STXBP4: variants seen among roughly 807,000 people sequenced by gnomAD.
The protein encoded by STXBP4 is syntaxin-binding protein 4.
In STXBP4, 55 loss-of-function variants were observed where a neutral mutation model predicts 76.1. The ratio of observed to expected loss-of-function variants is 0.72; its 90% CI spans 0.58 to 0.91. STXBP4 has a LOEUF of 0.91. Ranked by LOEUF, STXBP4 falls within the 40% of genes least tolerant of loss-of-function variation. The pLI, the probability that STXBP4 is intolerant of heterozygous loss-of-function variation, is 0.00. For missense variants in STXBP4, 618 were observed against 636.9 expected (o/e 0.97, Z 0.32); for synonymous variants, 201 against 220.2 (o/e 0.91, Z 0.77).
intron 12 of STXBP4, among the ~76,000 whole-genome samples, chr17:55,055,514 A>T (rs575773191): frequency 6.6e-6 from 1 of 152,114 alleles, no homozygotes; most frequent in South Asian, 2.1e-4. Context: ...ACCCTGCCTC[A>T]CTCCCATACT....
chr17:55,187,568 G>A, the STXBP4 span, among the ~76,000 whole-genome samples: 1 of 152,094 alleles, frequency 6.6e-6, no homozygotes, highest in Non-Finnish European at 1.5e-5. Context: ...CCTGGAGCTG[G>A]CCCAGTGTTC....
rs1598320651 is a variant in STXBP4, at chr17:55,108,695, G to A, written c.1489+27512G>A. 2.0e-5 allele frequency among the ~76,000 whole-genome samples: 3 copies of A among 152,150 alleles called. No individual in the cohort carries two copies. In the East Asian group the frequency reaches 5.8e-4, roughly 29 times the overall value. On this transcript the variant is annotated intron_variant, in intron 16 of 17. Coordinates refer to ENST00000376352, the MANE Select transcript of STXBP4 (RefSeq NM_178509.6). Reference sequence around the variant, plus strand: ...TGACCCCTTGCACTTCCTGGGTAAGGCGACCACCCACCCTGCTTCTGCTCA... The same window carrying A: ...TGACCCCTTGCACTTCCTGGGTAAGACGACCACCCACCCTGCTTCTGCTCA...
At chr17:55,033,543 G>A (rs1036398171) in intron 9 of STXBP4, among the ~76,000 whole-genome samples, 2 of 152,088 alleles carry the variant, frequency 1.3e-5, no homozygotes, top group African/African-American at 4.8e-5. Flanking sequence ...TAAAAATACA[G>A]TAGCCAAAGT....
At chr17:55,020,353 C>G (rs1391906325) in intron 8 of STXBP4, among the ~76,000 whole-genome samples, 1 of 152,026 alleles carries the variant, frequency 6.6e-6, no homozygotes, top group East Asian at 1.9e-4. Flanking sequence ...TATATTTTTC[C>G]TAACTTTTAT....
At chr17:55,181,839 A>G in the STXBP4 span, among the ~76,000 whole-genome samples, 8 of 152,194 alleles carry the variant, frequency 5.3e-5, no homozygotes, top group Admixed American at 1.3e-4. Flanking sequence ...AGAAATTTTA[A>G]CAGATTCATT....
At chr17:55,004,246 C>T (rs189549089) in intron 7 of STXBP4, among the ~76,000 whole-genome samples, 33 of 151,858 alleles carry the variant, frequency 2.2e-4, no homozygotes, top group African/African-American at 7.0e-4. Flanking sequence ...ACTAATAGCG[C>T]GTAAAGCCTT....
rs117199807 is a variant in STXBP4, at chr17:55,042,801, G to A, written c.856-435G>A. On this transcript the variant is annotated intron_variant, in intron 10 of 17. Coordinates refer to ENST00000376352, the MANE Select transcript of STXBP4 (RefSeq NM_178509.6). ...TTTAGTTAAAACCAGATACATAATC[G>A]ATAAATATACTTTACTAGGCTCATG... Among the ~76,000 whole-genome samples the A allele has an allele frequency of 3.2e-3, 484 of 152,088 alleles. 12 individuals are homozygous for A. Among genetic ancestry groups the A allele is most frequent in the East Asian group, 0.025 (130 of 5,170 alleles).
At chr17:55,211,813 T>TG in the STXBP4 span, among the ~76,000 whole-genome samples, 3 of 131,176 alleles carry the variant, frequency 2.3e-5, no homozygotes, top group Non-Finnish European at 3.3e-5. Context: ...TTTTTTTTTT[T>TG]TTTTTTTTTT....
chr17:55,113,127 CT>C (rs1214557978), intron 16 of STXBP4, among the ~76,000 whole-genome samples: 1 of 151,734 alleles, frequency 6.6e-6, no homozygotes, highest in African/African-American at 2.4e-5. Context: ...TTATGTAACA[CT>C]GCAGTTTAAA....
intron 17 of STXBP4, among the ~76,000 whole-genome samples, chr17:55,153,027 A>C (rs963273924): frequency 6.6e-6 from 1 of 152,162 alleles, no homozygotes; most frequent in Admixed American, 6.5e-5. Context: ...ATAATGGTTA[A>C]ATTCTCAGAA....
intron 8 of STXBP4, among the ~76,000 whole-genome samples, chr17:55,029,261 A>G (rs993785689): frequency 3.9e-5 from 6 of 152,056 alleles, no homozygotes; most frequent in Non-Finnish European, 7.4e-5. Flanking sequence ...CTTTTGAGGT[A>G]AAAGCTTAAA....
intron 16 of STXBP4, among the ~76,000 whole-genome samples, chr17:55,100,450 C>A (rs576819519): frequency 6.6e-6 from 1 of 152,272 alleles, no homozygotes; most frequent in South Asian, 2.1e-4. Flanking sequence ...GGAAGCTTCA[C>A]AGAATTCTTT....
chr17:55,095,458 A>G (rs1598306904), intron 16 of STXBP4, among the ~76,000 whole-genome samples: 1 of 152,192 alleles, frequency 6.6e-6, no homozygotes, highest in East Asian at 1.9e-4. Flanking sequence ...GGTATTTTCC[A>G]GAGTTCACAT....
At chr17:54,977,781 GT>G (rs932479438) in intron 1 of STXBP4, among the ~76,000 whole-genome samples, 3 of 152,198 alleles carry the variant, frequency 2.0e-5, no homozygotes, top group Non-Finnish European at 2.9e-5. Context: ...CAAGTTACCA[GT>G]TTCTAAATGC....
At chr17:55,199,654 T>C in the STXBP4 span, among the ~76,000 whole-genome samples, 1 of 152,358 alleles carries the variant, frequency 6.6e-6, no homozygotes, top group Middle Eastern at 3.4e-3. Flanking sequence ...TTTATACTTA[T>C]ATGTTCAAGT....
intron 16 of STXBP4, among the ~76,000 whole-genome samples, chr17:55,118,319 C>A (rs1011145914): frequency 1.3e-5 from 2 of 151,840 alleles, no homozygotes; most frequent in Non-Finnish European, 2.9e-5. Context: ...TAGGAGCCAA[C>A]CATCTAATGA....
intron 16 of STXBP4, among the ~76,000 whole-genome samples, chr17:55,082,373 A>C (rs1186972420): frequency 6.6e-6 from 1 of 152,222 alleles, no homozygotes; most frequent in Admixed American, 6.5e-5. Context: ...TCTTCCATTA[A>C]TTTATATAGT....
chr17:54,974,439 A>G (rs980540618), intron 1 of STXBP4, among the ~76,000 whole-genome samples: 4 of 152,212 alleles, frequency 2.6e-5, no homozygotes, highest in Admixed American at 6.5e-5. Context: ...TTTTTGAGGA[A>G]CTACTCCGTT....
intron 16 of STXBP4, among the ~76,000 whole-genome samples, chr17:55,112,633 A>T (rs1014926303): frequency 6.6e-6 from 1 of 152,128 alleles, no homozygotes; most frequent in African/African-American, 2.4e-5. Flanking sequence ...ATTAGACATC[A>T]AGAGATGCCA....
Sources: gnomAD v4.1 joint callset for allele counts (sites outside exome capture counted in the v4.1 genomes callset) on GRCh38, gnomAD v4.1.1 for gene constraint, MANE v1.5 for transcripts, NCBI Gene and HGNC (gene_info 2026-07-23, HGNC 2026-07-21) for gene names.